The following ADAM8 variants were observed in gnomAD, a reference collection of about 807,000 sequenced individuals.
ADAM8 encodes the protein ADAM metallopeptidase domain 8.
Under a neutral mutation model 102.4 loss-of-function variants are expected in ADAM8, and 104 were observed. That is an observed-to-expected ratio of 1.02 (90% CI 0.87 to 1.20). The LOEUF (loss-of-function observed/expected upper bound fraction) is 1.20. Among genes scored for constraint, ADAM8 ranks in the 50% most tolerant of loss-of-function variants. ADAM8 has a pLI of 0.00. For synonymous variants in ADAM8, 517 were observed against 485.2 expected, an observed-to-expected ratio of 1.07 and a Z score of -0.86; for missense variants, 1,132 against 1,159.0, an observed-to-expected ratio of 0.98 and a Z score of 0.34.
Position 133,276,795 on chromosome 10 carries a change from A to C in ADAM8, c.23T>G (p.Leu8Arg). Residue 8 changes from leucine (L) to arginine (R), a missense_variant, in exon 1 of 23, where the codon CTG becomes CGG. By Grantham distance (102) the Leu-to-Arg change is moderately radical. Coordinates refer to ENST00000445355, the MANE Select transcript of ADAM8 (RefSeq NM_001109.5). ...ACCAGGCAGCATCATCGCGCCCAGC[A>C]GCCAGAGCCCGAGGCCGCGCATGGC... MRGLGLW[L>R]LGAMMLPAIA... 6.5e-7 allele frequency: 1 copy of C among 1,532,744 alleles called. No homozygotes were observed. The highest frequency in any genetic ancestry group is 1.4e-5 in the African/African-American group (1 of 70,746). 94.9% of individuals were successfully genotyped at this position (1,532,744 alleles called of 1,614,324 possible).
chr10:133,266,101 G>T (rs2995306), intron 21 of ADAM8, among the ~76,000 whole-genome samples: 5 of 152,136 alleles, frequency 3.3e-5, no homozygotes, highest in South Asian at 4.2e-4. Flanking sequence ...CAACAGTGCA[G>T]GGCCCTCATC....
Position 133,263,722 on chromosome 10 carries a change from G to A in ADAM8, c.2363C>T (p.Pro788Leu). The A allele has an allele frequency of 1.3e-6, 2 of 1,553,594 alleles. No homozygotes were observed. The highest frequency in any genetic ancestry group is 1.9e-5 in the Admixed American group (1 of 52,516). The change falls in exon 22 of 23, where the codon CCC (proline) becomes CTC (leucine). Residue 788 changes from proline (P) to leucine (L), a missense_variant. Pro to Leu is a moderately conservative substitution (Grantham distance 98). Transcript: ENST00000445355. ...ACCAGGGTTGGCCGCACCAGCCCCG[G>A]GTTTGACTGGGGGCACTGGGGGTGC... ...TFAPPVPPVK[P>L]GAGAANPGPA... is the part of the protein sequence containing the mutation.
rs991576706 is a variant in ADAM8, at chr10:133,266,986, G to A, written c.2319+366C>T. On this transcript the variant is annotated intron_variant, in intron 21 of 22. Coordinates refer to ENST00000445355, the MANE Select transcript of ADAM8 (RefSeq NM_001109.5). ...AAGCCCCCAAACCCAAGGGAAGCGCGGAACGTGTCCCTGCCCTGAGCCCAC... is the reference window on the plus strand; with the variant it reads ...AAGCCCCCAAACCCAAGGGAAGCGCAGAACGTGTCCCTGCCCTGAGCCCAC... Among the ~76,000 whole-genome samples, 11 of 113,948 alleles carry A rather than the reference G, an allele frequency of 9.7e-5. 1 individual carries two copies. Among genetic ancestry groups the A allele is most frequent in the Admixed American group, 7.1e-4 (9 of 12,672 alleles). The allele number at this position is 113,948 out of a possible 152,430, so 74.8% of individuals were successfully genotyped here. A position where few individuals can be genotyped will look rare whatever the true frequency, so the allele number is the denominator to read the frequency against.
At chr10:133,269,308 T>A in intron 18 of ADAM8, 137 bp downstream of exon 18, 1 of 1,237,436 alleles carries the variant, frequency 8.1e-7, no homozygotes, top group Admixed American at 3.1e-5. Context: ...TGCCTATACC[T>A]GTGTGTCGAT....
chr10:133,271,632 C>T lies in ADAM8; in HGVS notation c.1180G>A (p.Val394Met). The T allele has an allele frequency of 6.4e-7, 1 of 1,554,768 alleles. No individual in the cohort carries two copies. Among genetic ancestry groups the T allele is most frequent in the Non-Finnish European group, 8.7e-7 (1 of 1,149,272 alleles). ...LESFLERPQSVCLANAPDLSH... is the reference protein window; with the variant it reads ...LESFLERPQSMCLANAPDLSH... ...AGGTCAGGGGCGTTGGCGAGGCACACCGACTGCGGCCGCTCCAAAAAGCTC... is the reference window on the plus strand; with the variant it reads ...AGGTCAGGGGCGTTGGCGAGGCACATCGACTGCGGCCGCTCCAAAAAGCTC... Residue 394 changes from valine to methionine, a missense_variant, in exon 12 of 23, where the codon GTG becomes ATG. Val to Met is a conservative substitution (Grantham distance 21, BLOSUM62 1). Transcript: ENST00000445355.
chr10:133,269,773 C>A, intron 17 of ADAM8, 124 bp downstream of exon 17: 2 of 1,198,018 alleles, frequency 1.7e-6, no homozygotes, highest in Non-Finnish European at 2.4e-6. Flanking sequence ...ACAGAGACCC[C>A]CATGGACAGG....
In ADAM8 at chr10:133,274,901, C is replaced by T. The variant is rs750516080; in HGVS notation, c.150+583G>A. 7.8e-5 allele frequency: 34 copies of T among 433,310 alleles called. No individual in the cohort carries two copies. The Middle Eastern group carries it at 1.0e-3, about 13-fold the overall frequency. 26.8% of individuals were successfully genotyped at this position (433,310 alleles called of 1,614,324 possible). On this transcript the variant is annotated intron_variant, in intron 2 of 22. Coordinates refer to ENST00000445355, the MANE Select transcript of ADAM8 (RefSeq NM_001109.5). ...TCTGGGACAGCCTTAGCTGTGCCAC[C>T]GGCTGGATGAGCCCAGGGCAGCGGG...
At position 133,268,136 on chromosome 10, in the gene ADAM8, G is replaced by T; in HGVS notation, c.2064-18C>A. 8 of 1,258,022 alleles carry T rather than the reference G, an allele frequency of 6.4e-6. No homozygotes were observed. Among genetic ancestry groups the T allele is most frequent in the Non-Finnish European group, 8.0e-6 (8 of 993,928 alleles). 77.9% of individuals were successfully genotyped at this position (1,258,022 alleles called of 1,614,324 possible). A position where few individuals can be genotyped will look rare whatever the true frequency, so the allele number is the denominator to read the frequency against. On this transcript the variant is annotated intron_variant, in intron 19 of 22. Coordinates refer to ENST00000445355, the MANE Select transcript of ADAM8 (RefSeq NM_001109.5). ...CCACGTTCCTGGGGAGGAAGCACAG[G>T]GCGCATGGTCAGTGTCCGGCCATGG...
chr10:133,273,536 C>A, intron 5 of ADAM8, 93 bp from the exon 6 acceptor site: 16 of 1,398,268 alleles, frequency 1.1e-5, no homozygotes, highest in Non-Finnish European at 1.5e-5. Flanking sequence ...GCCTACAGCT[C>A]CCCCTACCCT....
Position 133,267,937 on chromosome 10 carries a change from G to A in ADAM8, c.2245C>T (p.Pro749Ser). Reference protein sequence around the residue: ...PASSVALKRPPPAPPVTVSSP... With the variant: ...PASSVALKRPSPAPPVTVSSP... ...CCAGGGGTGGTGCTTACAGCAGGGG[G>A]CGGCCTCTTCAGAGCCACCGAGGAG... Residue 749 changes from proline to serine, a missense_variant, in exon 20 of 23, where the codon CCC becomes TCC. Transcript: ENST00000445355. 7.9e-7 allele frequency: 1 copy of A among 1,260,552 alleles called. No individual in the cohort carries two copies. Among genetic ancestry groups the A allele is most frequent in the Non-Finnish European group, 1.0e-6 (1 of 996,610 alleles). The allele number at this position is 1,260,552 out of a possible 1,614,324, so 78.1% of individuals were successfully genotyped here. A position where few individuals can be genotyped will look rare whatever the true frequency, so the allele number is the denominator to read the frequency against.
chr10:133,271,536 G>T lies in ADAM8; in HGVS notation c.1276C>A (p.Pro426Thr), dbSNP rs1362167605. ...ATGGGGCATGGACGCACCTCGGGGGGGCCGCAGTCGCACTGCTCCCCACGC... is the reference window on the plus strand; with the variant it reads ...ATGGGGCATGGACGCACCTCGGGGGTGCCGCAGTCGCACTGCTCCCCACGC... ...VERGEQCDCG[P>T]PEDCRNRCCN... Residue 426 changes from proline to threonine, a missense_variant, in exon 12 of 23, where the codon CCC (proline) becomes ACC (threonine). Pro to Thr is a conservative substitution (Grantham distance 38). Transcript: ENST00000445355. 3.2e-6 allele frequency: 5 copies of T among 1,554,344 alleles called. No homozygotes were observed. The Admixed American group carries it at 5.9e-5, about 18-fold the overall frequency.
At chr10:133,272,342 T>TGCCC in intron 9 of ADAM8, 68 bp from the exon 10 acceptor site, 1 of 574,622 alleles carries the variant, frequency 1.7e-6, no homozygotes, top group South Asian at 2.4e-5. Flanking sequence ...ACCCCAGCCC[T>TGCCC]GCTCTCCCTT....
chr10:133,269,494 C>A lies in ADAM8; in HGVS notation c.1899G>T (p.Ala633=), dbSNP rs148562039. The A allele has an allele frequency of 7.5e-6, 12 of 1,599,406 alleles. No individual in the cohort carries two copies. The highest frequency in any genetic ancestry group is 1.0e-5 in the Non-Finnish European group (12 of 1,178,358). ...CNHKQECHCH[A]GWAPPHCAKL... ...TCGCGCAGTGGGGCGGGGCCCAGCC[C>A]GCGTGGCAGTGGCACTCCTGCTTGT... Residue 633 remains alanine, a synonymous_variant, in exon 18 of 23, where the codon GCG becomes GCT. Transcript: ENST00000445355.
intron 1 of ADAM8, chr10:133,275,890 G>C (rs1846732444): frequency 2.8e-6 from 1 of 358,668 alleles, no homozygotes; most frequent in Admixed American, 4.8e-5. Context: ...CTCTGGAGGG[G>C]CCCGAGGGCA....
intron 8 of ADAM8, 35 bp downstream of exon 8, chr10:133,272,763 G>A (rs754150158): frequency 5.7e-6 from 9 of 1,586,636 alleles, no homozygotes; most frequent in Admixed American, 5.1e-5. Context: ...CCCGCCAGGG[G>A]CTCTGGCACC....
chr10:133,267,365 T>C lies in ADAM8; in HGVS notation c.2306A>G (p.Gln769Arg). 6.2e-7 allele frequency: 1 copy of C among 1,609,502 alleles called. No individual in the cohort carries two copies. Among genetic ancestry groups the C allele is most frequent in the Non-Finnish European group, 8.5e-7 (1 of 1,178,826 alleles). The change falls in exon 21 of 23, where the codon CAG becomes CGG. Residue 769 changes from glutamine (Q) to arginine (R), a missense_variant. Transcript: ENST00000445355. ...PPFPVPVYTRQAPKQVIKPTF... is the reference protein window; with the variant it reads ...PPFPVPVYTRRAPKQVIKPTF... The stretch of plus-strand genomic sequence containing the variant: ...ACCACTGCTCACCTGCTTTGGTGCC[T>C]GCCGGGTGTAGACAGGAACTGGGAA...
Position 133,273,844 on chromosome 10 carries a change from G to A in ADAM8, c.307-6C>T, listed in dbSNP as rs1420523464. ...CCCTGGTAGAAGCAGTGGTCCTGCG[G>A]GGGAAGCAGGAGAGGGGTCCACAGG... On this transcript the variant is annotated splice_region_variant and splice_polypyrimidine_tract_variant and intron_variant, in intron 4 of 22. Coordinates refer to ENST00000445355, the MANE Select transcript of ADAM8 (RefSeq NM_001109.5). 6.5e-7 allele frequency: 1 copy of A among 1,549,110 alleles called. No homozygotes were observed. Among genetic ancestry groups the A allele is most frequent in the African/African-American group, 1.4e-5 (1 of 73,210 alleles).
Position 133,269,981 on chromosome 10 carries a change from G to C in ADAM8, c.1786-7C>G. 6.2e-7 allele frequency: 1 copy of C among 1,612,502 alleles called. No individual in the cohort carries two copies. Among genetic ancestry groups the C allele is most frequent in the Non-Finnish European group, 8.5e-7 (1 of 1,179,912 alleles). On this transcript the variant is annotated splice_region_variant and splice_polypyrimidine_tract_variant and intron_variant, in intron 16 of 22. Coordinates refer to ENST00000445355, the MANE Select transcript of ADAM8 (RefSeq NM_001109.5). ...AACGTCCTTTCCAGCAAACCTGGGG[G>C]TAGGAGGCGTCTCTCAGGCAGCCGC...
intron 21 of ADAM8, among the ~76,000 whole-genome samples, chr10:133,266,884 C>T (rs530041664): frequency 6.6e-5 from 10 of 152,296 alleles, no homozygotes; most frequent in African/African-American, 2.4e-4. Flanking sequence ...TGGGGGGACA[C>T]GGAGGCCTGG....
Sources: allele counts gnomAD v4.1 joint callset (sites outside exome capture counted in the v4.1 genomes callset), GRCh38; gene constraint gnomAD v4.1.1; transcripts MANE v1.5; gene names NCBI Gene and HGNC (gene_info 2026-07-23, HGNC 2026-07-21).